IFT80: variants seen among roughly 807,000 people sequenced by gnomAD.
The protein encoded by IFT80 is intraflagellar transport protein 80 homolog.
In IFT80, 79 loss-of-function variants were observed where a neutral mutation model predicts 107.9. The ratio of observed to expected loss-of-function variants is 0.73; its 90% CI spans 0.61 to 0.88. The LOEUF is 0.88. Among genes scored for constraint, IFT80 ranks in the 40% least tolerant of loss-of-function variants. The pLI is 0.00. For synonymous variants in IFT80, 299 were observed against 300.9 expected (o/e 0.99, Z 0.07); for missense variants, 797 against 914.2 (o/e 0.87, Z 1.65).
intron 1 of IFT80, among the ~76,000 whole-genome samples, chr3:160,398,245 G>C (rs902705691): frequency 1.3e-5 from 2 of 152,204 alleles, no homozygotes; most frequent in Non-Finnish European, 2.9e-5. Context: ...GTTGGGAGGG[G>C]GGTGGCTCTC....
At chr3:160,321,914 C>A (rs1718248436) in intron 8 of IFT80, among the ~76,000 whole-genome samples, 1 of 151,546 alleles carries the variant, frequency 6.6e-6, no homozygotes, top group Non-Finnish European at 1.5e-5. Context: ...TTCAGGACAG[C>A]CAAGAAGTAT....
At chr3:160,355,555 C>A (rs544762793) in intron 8 of IFT80, among the ~76,000 whole-genome samples, 1 of 152,034 alleles carries the variant, frequency 6.6e-6, no homozygotes, top group East Asian at 1.9e-4. Flanking sequence ...CCAGCCATGT[C>A]CTCTGGTCTT....
intron 12 of IFT80, among the ~76,000 whole-genome samples, chr3:160,296,044 C>T (rs1334767596): frequency 6.6e-6 from 1 of 152,068 alleles, no homozygotes; most frequent in African/African-American, 2.4e-5. Context: ...TTCAGTAACA[C>T]AAGATGAATT....
chr3:160,286,816 C>G (rs1715129016), intron 12 of IFT80, among the ~76,000 whole-genome samples: 1 of 152,106 alleles, frequency 6.6e-6, no homozygotes, highest in African/African-American at 2.4e-5. Context: ...ATATGCTACT[C>G]TGGTACAATC....
chr3:160,359,552 G>A (rs769946039), intron 6 of IFT80, among the ~76,000 whole-genome samples: 7 of 152,148 alleles, frequency 4.6e-5, no homozygotes, highest in Non-Finnish European at 7.4e-5. Context: ...CTTGACCCCC[G>A]TGTAGCCTAA....
chr3:160,327,345 C>A (rs1718744456), intron 8 of IFT80, among the ~76,000 whole-genome samples: 1 of 151,940 alleles, frequency 6.6e-6, no homozygotes, highest in Admixed American at 6.6e-5. Context: ...TCATATGGAG[C>A]CAAAAAAGAG....
Position 160,257,115 on chromosome 3 carries a change from TACAC to T in IFT80, c.*1406_*1409del. 1 of 152,268 alleles carries T rather than the reference TACAC, an allele frequency of 6.6e-6. No homozygotes were observed. The highest frequency in any genetic ancestry group is 2.4e-5 in the African/African-American group (1 of 41,550). The allele number at this position is 152,268 out of a possible 1,614,324, so 9.4% of individuals were successfully genotyped here. A position where few individuals can be genotyped will look rare whatever the true frequency, so the allele number is the denominator to read the frequency against. ...GAAATATAACAATATAGGAAACACA[TACAC>T]AGTACAACTTGTAAGTACACTGCTC... On this transcript the variant is annotated 3_prime_UTR_variant, in exon 20 of 20. Transcript: ENST00000326448.
At chr3:160,343,844 TATTG>T (rs1720093684) in intron 8 of IFT80, 1 of 292,296 alleles carries the variant, frequency 3.4e-6, no homozygotes. Flanking sequence ...TTATTTTATT[TATTG>T]ATTTTCTTTA....
chr3:160,361,210 A>C (rs1294017400), intron 6 of IFT80, among the ~76,000 whole-genome samples: 1 of 152,190 alleles, frequency 6.6e-6, no homozygotes, highest in Non-Finnish European at 1.5e-5. Flanking sequence ...AAAGCAAAAA[A>C]AGCAGGGGTT....
rs528390699 is a variant in IFT80 at position 160,360,991 on chromosome 3, G to A, written c.550-3413C>T. Among the ~76,000 whole-genome samples, 6 of 152,248 alleles carry A rather than the reference G, an allele frequency of 3.9e-5. No individual in the cohort carries two copies. The South Asian group carries it at 1.2e-3, about 32-fold the overall frequency. ...ACCCAACTAATGGGCAAAATAACCA[G>A]CTAACATCACGTCAGGATCAAATTC... is the stretch of plus-strand genomic sequence containing the variant. On this transcript the variant is annotated intron_variant, in intron 6 of 19. Coordinates refer to ENST00000326448, the MANE Select transcript of IFT80 (RefSeq NM_020800.3).
chr3:160,356,954 T>C (rs547851403), intron 7 of IFT80, among the ~76,000 whole-genome samples: 1 of 152,216 alleles, frequency 6.6e-6, no homozygotes, highest in Non-Finnish European at 1.5e-5. Flanking sequence ...TACAAATTAT[T>C]TTGACCTGAA....
intron 1 of IFT80, among the ~76,000 whole-genome samples, chr3:160,388,166 G>A (rs960511351): frequency 3.3e-5 from 5 of 151,094 alleles, no homozygotes; most frequent in African/African-American, 9.7e-5. Flanking sequence ...ATATGCAGAT[G>A]ACCGCATAAA....
chr3:160,392,495 C>T (rs1046459787), intron 1 of IFT80, among the ~76,000 whole-genome samples: 6 of 152,192 alleles, frequency 3.9e-5, no homozygotes, highest in Non-Finnish European at 7.4e-5. Context: ...TTGCTCCTAC[C>T]ACATTCTTAC....
rs556031011 is a variant in IFT80 at position 160,341,640 on chromosome 3, G to A, written c.777+14373C>T. On this transcript the variant is annotated intron_variant, in intron 8 of 19. Transcript: ENST00000326448. ...CTAAGATTCTTGTCTCAGCCTTACT[G>A]CTCTCTCAAATAAAAAAAAATGTAC... 4.6e-5 allele frequency among the ~76,000 whole-genome samples: 7 copies of A among 152,012 alleles called. No individual in the cohort carries two copies. The South Asian group carries it at 1.0e-3, about 23-fold the overall frequency.
intron 12 of IFT80, 103 bp from the exon 13 acceptor site, chr3:160,285,971 T>TGTGGTCTAGAGAGTTAA: frequency 2.5e-6 from 2 of 786,032 alleles, no homozygotes; most frequent in Non-Finnish European, 4.2e-6. Context: ...TTTAACTCTC[T>TGTGGTCTAGAGAGTTAA]AGACCACAGA....
intron 12 of IFT80, among the ~76,000 whole-genome samples, chr3:160,287,536 G>A (rs1715186557): frequency 6.6e-6 from 1 of 152,154 alleles, no homozygotes; most frequent in Admixed American, 6.5e-5. Flanking sequence ...GGATGAAAGG[G>A]CAGGGGATGA....
intron 8 of IFT80, among the ~76,000 whole-genome samples, chr3:160,352,108 C>T (rs763161253): frequency 6.6e-6 from 1 of 151,788 alleles, no homozygotes; most frequent in African/African-American, 2.4e-5. Flanking sequence ...CTCTGCCTCC[C>T]GGGTTCACGC....
At chr3:160,312,320 T>C (rs991379959) in intron 9 of IFT80, among the ~76,000 whole-genome samples, 6 of 151,572 alleles carry the variant, frequency 4.0e-5, no homozygotes, top group African/African-American at 1.5e-4. Context: ...TTTGGTCTCC[T>C]TTCAGGATGG....
At chr3:160,340,856 T>G (rs1328076202) in intron 8 of IFT80, among the ~76,000 whole-genome samples, 1 of 152,194 alleles carries the variant, frequency 6.6e-6, no homozygotes, top group Non-Finnish European at 1.5e-5. Flanking sequence ...TTCTGGGGAT[T>G]AGCATATGGG....
Sources: gnomAD v4.1 joint callset for allele counts (sites outside exome capture counted in the v4.1 genomes callset) on GRCh38, gnomAD v4.1.1 for gene constraint, MANE v1.5 for transcripts, NCBI Gene and HGNC (gene_info 2026-07-23, HGNC 2026-07-21) for gene names.